The following KIF5B variants were observed in gnomAD, a reference collection of about 807,000 sequenced individuals.
KIF5B encodes the protein kinesin family member 5B.
A neutral mutation model predicts 132.8 loss-of-function variants in KIF5B; 49 were observed. That is an observed-to-expected ratio of 0.37 (90% CI 0.29 to 0.47). The LOEUF (loss-of-function observed/expected upper bound fraction) is 0.47. KIF5B is among the 20% of genes least tolerant of loss of function. The pLI, the probability that KIF5B is intolerant of heterozygous loss-of-function variation, is 1.00. For missense variants in KIF5B, 780 were observed against 1,144.0 expected (o/e 0.68, Z 4.59); for synonymous variants, 355 against 369.4 (o/e 0.96, Z 0.45).
At chr10:32,014,814 G>A (rs1016318079) in intron 25 of KIF5B, among the ~76,000 whole-genome samples, 2 of 152,158 alleles carry the variant, frequency 1.3e-5, no homozygotes, top group Admixed American at 6.6e-5. Context: ...ATCTCTAACA[G>A]GTTAGGGAAT....
chr10:32,035,447 C>T, intron 10 of KIF5B, 75 bp downstream of exon 10: 2 of 1,306,578 alleles, frequency 1.5e-6, no homozygotes, highest in Non-Finnish European at 1.1e-6. Context: ...GTTGGAATAA[C>T]AGCTCACATT....
chr10:32,033,468 T>G (rs1841425621), intron 12 of KIF5B, among the ~76,000 whole-genome samples: 1 of 152,182 alleles, frequency 6.6e-6, no homozygotes, highest in African/African-American at 2.4e-5. Context: ...AGGATCCTTA[T>G]GAGAATCTAA....
chr10:32,018,239 T>C, intron 22 of KIF5B, 77 bp downstream of exon 22: 1 of 1,456,972 alleles, frequency 6.9e-7, no homozygotes. Flanking sequence ...TGTAAAGTTA[T>C]TTCACTTTGA....
intron 12 of KIF5B, 51 bp downstream of exon 12, chr10:32,033,794 C>T: frequency 2.4e-6 from 3 of 1,237,594 alleles, no homozygotes; most frequent in Non-Finnish European, 2.3e-6. Flanking sequence ...TAAAAACACC[C>T]ATGTCAATAG....
rs555855426 is a variant in KIF5B at position 32,016,257 on chromosome 10, G to A, written c.2762-598C>T. Among the ~76,000 whole-genome samples the A allele has an allele frequency of 3.9e-5, 6 of 152,020 alleles. No individual in the cohort carries two copies. In the East Asian group the frequency reaches 1.2e-3, roughly 30 times the overall value. On this transcript the variant is annotated intron_variant, in intron 24 of 25. Coordinates refer to ENST00000302418, the MANE Select transcript of KIF5B (RefSeq NM_004521.3). ...GGATCATCTGAGGTCAGGAGTACGA[G>A]ACCAGCCTGACCAACAAGGAGAAAC...
Position 32,017,129 on chromosome 10 carries a change from T to C in KIF5B, c.2761+14A>G, listed in dbSNP as rs2132579127. ...ATTGAGCAAGGTTTAAAGGTTTTAA[T>C]GTGTTCTACTAACCAATCTGTGCAG... On this transcript the variant is annotated intron_variant, in intron 24 of 25. Transcript: ENST00000302418. 6 of 1,600,486 alleles carry C rather than the reference T, an allele frequency of 3.7e-6. No individual in the cohort carries two copies. The highest frequency in any genetic ancestry group is 2.7e-5 in the African/African-American group (2 of 74,802).
Position 32,043,730 on chromosome 10 carries a change from C to T in KIF5B, c.215-3273G>A, listed in dbSNP as rs141610978. Among the ~76,000 whole-genome samples the T allele has an allele frequency of 4.6e-3, 697 of 151,874 alleles. 23 individuals are homozygous for T. Among genetic ancestry groups the T allele is most frequent in the Admixed American group, 0.038 (582 of 15,252 alleles). On this transcript the variant is annotated intron_variant, in intron 2 of 25. Coordinates refer to ENST00000302418, the MANE Select transcript of KIF5B (RefSeq NM_004521.3). ...GTAACAATTGTATCTAACAAATCTA[C>T]AGATAGGGAATGTTAATAGCCCTAC...
chr10:32,031,762 G>A (rs1213489729), intron 13 of KIF5B, among the ~76,000 whole-genome samples: 2 of 150,504 alleles, frequency 1.3e-5, no homozygotes, highest in East Asian at 3.9e-4. Flanking sequence ...ATTTTGGGAG[G>A]CCGAGGCGGG....
chr10:32,036,001 A>G lies in KIF5B; in HGVS notation c.712-7T>C, dbSNP rs1342998946. The G allele has an allele frequency of 1.4e-5, 21 of 1,525,778 alleles. No individual in the cohort carries two copies. The highest frequency in any genetic ancestry group is 1.8e-5 in the Non-Finnish European group (20 of 1,129,670). 94.5% of individuals were successfully genotyped at this position (1,525,778 alleles called of 1,614,324 possible). A position where few individuals can be genotyped will look rare whatever the true frequency, so the allele number is the denominator to read the frequency against. On this transcript the variant is annotated splice_polypyrimidine_tract_variant and splice_region_variant and intron_variant, in intron 8 of 25. Transcript: ENST00000302418. ...CAGCTCCAGTTTTACTAACCTATAC[A>G]TAAGATTTCAAAAGAATGAAACAAA...
At chr10:32,038,058 C>G (rs1300650181) in intron 6 of KIF5B, 105 bp downstream of exon 6, 1 of 609,638 alleles carries the variant, frequency 1.6e-6, no homozygotes, top group East Asian at 2.9e-5. Flanking sequence ...TGCAGTGAGC[C>G]GAGATTGCAC....
intron 1 of KIF5B, among the ~76,000 whole-genome samples, chr10:32,048,900 G>T (rs1480970296): frequency 6.6e-6 from 1 of 152,050 alleles, no homozygotes; most frequent in African/African-American, 2.4e-5. Context: ...CAGGGTCTCG[G>T]TTCTGTCACC....
rs1171144272 is a variant in KIF5B, at chr10:32,019,959, G to A, written c.2205C>T (p.Asp735=). Residue 735 remains aspartate (D), a splice_region_variant and synonymous_variant, in exon 20 of 26, where the codon GAC becomes GAT. Transcript: ENST00000302418. ...GCTCTAACATCATTTTCTGGTTTTG[G>A]CTGACGAAAGAAAAAAATAATTAAC... ...AKAKLITDLQ[D]QNQKMMLEQE... is the part of the protein sequence containing the mutation. 6.3e-7 allele frequency: 1 copy of A among 1,587,968 alleles called. No individual in the cohort carries two copies. The highest frequency in any genetic ancestry group is 1.8e-5 in the Admixed American group (1 of 54,848).
chr10:32,051,857 ATAAAT>A (rs1373479262), intron 1 of KIF5B, among the ~76,000 whole-genome samples: 3 of 152,324 alleles, frequency 2.0e-5, no homozygotes, highest in East Asian at 1.9e-4. Context: ...TATTTTTCAA[ATAAAT>A]TAAAGAAAAA....
intron 1 of KIF5B, among the ~76,000 whole-genome samples, chr10:32,053,974 T>C (rs967824563): frequency 6.6e-6 from 1 of 152,214 alleles, no homozygotes. Flanking sequence ...AGTTCTTTCT[T>C]CATAGTTCAT....
In KIF5B at chr10:32,046,540, C is replaced by A. The variant is rs56187721; in HGVS notation, c.214+1924G>T. 1.9e-3 allele frequency among the ~76,000 whole-genome samples: 287 copies of A among 152,226 alleles called. 1 individual carries two copies. Among genetic ancestry groups the A allele is most frequent in the African/African-American group, 6.8e-3 (281 of 41,554 alleles). Reference sequence around the variant, plus strand: ...AGATAATCCCACTAAAATAACCTGGCCTCTCAGCTCCTTGACCAAATTTTC... The same window carrying A: ...AGATAATCCCACTAAAATAACCTGGACTCTCAGCTCCTTGACCAAATTTTC... On this transcript the variant is annotated intron_variant, in intron 2 of 25. Transcript: ENST00000302418.
chr10:32,045,677 A>C (rs1399659570), intron 2 of KIF5B, among the ~76,000 whole-genome samples: 1 of 152,242 alleles, frequency 6.6e-6, no homozygotes, highest in Non-Finnish European at 1.5e-5. Context: ...AAGTATACCA[A>C]AATTTTATTA....
chr10:32,032,814 C>T, intron 12 of KIF5B, 40 bp from the exon 13 acceptor site: 5 of 1,484,830 alleles, frequency 3.4e-6, no homozygotes, highest in Non-Finnish European at 4.7e-6. Flanking sequence ...TAGCTAACAA[C>T]CTGGTTCTAG....
At chr10:32,050,348 C>T (rs547166859) in intron 1 of KIF5B, among the ~76,000 whole-genome samples, 1 of 152,174 alleles carries the variant, frequency 6.6e-6, no homozygotes, top group Non-Finnish European at 1.5e-5. Context: ...AGTCACATGA[C>T]CAAGCTCTGA....
At chr10:32,038,661 CT>C in intron 5 of KIF5B, 116 bp downstream of exon 5, 1 of 671,206 alleles carries the variant, frequency 1.5e-6, no homozygotes, top group East Asian at 2.9e-5. Flanking sequence ...AAAATTTTGT[CT>C]ATTTCCAATA....
Sources: gnomAD v4.1 joint callset for allele counts (sites outside exome capture counted in the v4.1 genomes callset) on GRCh38, gnomAD v4.1.1 for gene constraint, MANE v1.5 for transcripts, NCBI Gene and HGNC (gene_info 2026-07-23, HGNC 2026-07-21) for gene names.